The following AGGF1 variants were observed in gnomAD, a reference collection of about 807,000 sequenced individuals.
AGGF1 encodes angiogenic factor with G-patch and FHA domains 1.
Under a neutral mutation model 86.5 loss-of-function variants are expected in AGGF1, and 56 were observed. The observed-to-expected ratio is 0.65, with a 90% CI of 0.52 to 0.81. The LOEUF is 0.81. Among genes scored for constraint, AGGF1 ranks in the 30% least tolerant of loss-of-function variants. AGGF1 has a pLI of 0.00. For synonymous variants in AGGF1, 313 were observed against 297.1 expected, an observed-to-expected ratio of 1.05 and a Z score of -0.55; for missense variants, 816 against 850.9, an observed-to-expected ratio of 0.96 and a Z score of 0.51.
At chr5:77,048,422 G>A (rs1182588009) in intron 7 of AGGF1, 150 bp downstream of exon 7, 7 of 646,892 alleles carry the variant, frequency 1.1e-5, no homozygotes, top group Admixed American at 8.2e-5. Flanking sequence ...CACGATCTCG[G>A]CTCATTGCAA....
chr5:77,034,353 G>T, intron 1 of AGGF1, 65 bp from the exon 2 acceptor site: 1 of 966,384 alleles, frequency 1.0e-6, no homozygotes, highest in South Asian at 1.3e-5. Flanking sequence ...AACGGTAGGA[G>T]ACTGGTATAT....
intron 5 of AGGF1, among the ~76,000 whole-genome samples, chr5:77,044,264 C>G (rs933647733): frequency 3.3e-5 from 5 of 151,860 alleles, no homozygotes; most frequent in Non-Finnish European, 7.4e-5. Context: ...GCCGAGATCA[C>G]GCCACTGCAC....
chr5:77,060,850 A>G lies in AGGF1; in HGVS notation c.1845-853A>G, dbSNP rs146886199. 1.2e-3 allele frequency among the ~76,000 whole-genome samples: 183 copies of G among 152,328 alleles called. 1 individual carries two copies. The highest frequency in any genetic ancestry group is 6.8e-3 in the Middle Eastern group (2 of 294). On this transcript the variant is annotated intron_variant, in intron 12 of 13. Coordinates refer to ENST00000312916, the MANE Select transcript of AGGF1 (RefSeq NM_018046.5). ...CACTTTTTTTAAGTTTAATGTTTAA[A>G]ATATAATCTTGGAGAGTATAAAGAG...
At chr5:77,059,976 G>A (rs1157591083) in intron 12 of AGGF1, among the ~76,000 whole-genome samples, 1 of 152,120 alleles carries the variant, frequency 6.6e-6, no homozygotes, top group Non-Finnish European at 1.5e-5. Context: ...TGAGTAGCTG[G>A]GATTACAGAT....
intron 3 of AGGF1, 111 bp downstream of exon 3, chr5:77,035,854 A>G: frequency 1.1e-6 from 1 of 933,336 alleles, no homozygotes; most frequent in East Asian, 2.6e-5. Flanking sequence ...TATAAGGGTT[A>G]TAAACATTCT....
At position 77,048,255 on chromosome 5, in the gene AGGF1, C is replaced by A; in HGVS notation, c.1296C>A (p.Asn432Lys). The A allele has an allele frequency of 1.2e-6, 2 of 1,608,028 alleles. No homozygotes were observed. Among genetic ancestry groups the A allele is most frequent in the Non-Finnish European group, 1.7e-6 (2 of 1,174,692 alleles). The change falls in exon 7 of 14, where the codon AAC becomes AAA. Residue 432 changes from asparagine to lysine, a missense_variant. This residue lies in a region of AGGF1 where 565 missense variants were observed against 585.8 expected (regional missense o/e 0.96). Transcript: ENST00000312916. ...CACTCTTTATCATTACTGCTGTAAA[C>A]CCTGCTACAATTGGAAGGTAAAATG... ...IGSLFIITAV[N>K]PATIGREKDM...
At position 77,044,291 on chromosome 5, in the gene AGGF1, T is replaced by C. The variant is rs556447748; in HGVS notation, c.871-2056T>C. Among the ~76,000 whole-genome samples, 36 of 152,252 alleles carry C rather than the reference T, an allele frequency of 2.4e-4. 1 individual carries two copies. Among genetic ancestry groups the C allele is most frequent in the African/African-American group, 6.3e-4 (26 of 41,544 alleles). On this transcript the variant is annotated intron_variant, in intron 5 of 13. Transcript: ENST00000312916. ...CCACTGCACTCCAGCCTGGGCACCATTGAGCACTCGACAAGAACTTTTAAG... is the reference window on the plus strand; with the variant it reads ...CCACTGCACTCCAGCCTGGGCACCACTGAGCACTCGACAAGAACTTTTAAG...
chr5:77,059,862 G>C (rs1024291685), intron 12 of AGGF1, 119 bp downstream of exon 12: 29 of 1,351,328 alleles, frequency 2.1e-5, no homozygotes, highest in Non-Finnish European at 2.8e-5. Context: ...TTATTTATGA[G>C]ATGGAGTCTT....
rs538703281 is a variant in AGGF1 at position 77,053,096 on chromosome 5, G to A, written c.1467+289G>A. ...AAATGTCTCAATAGCAACTTTGAAG[G>A]TCGTCCCTTTTTTTATTGTCTTAAT... is the stretch of plus-strand genomic sequence containing the variant. On this transcript the variant is annotated intron_variant, in intron 9 of 13. Transcript: ENST00000312916. Among the ~76,000 whole-genome samples the A allele has an allele frequency of 3.3e-5, 5 of 152,264 alleles. No individual in the cohort carries two copies. In the East Asian group the frequency reaches 9.6e-4, roughly 29 times the overall value.
chr5:77,062,558 A>G (rs1216279871), intron 13 of AGGF1, among the ~76,000 whole-genome samples: 1 of 152,208 alleles, frequency 6.6e-6, no homozygotes, highest in East Asian at 1.9e-4. Context: ...AAAGCCCCTA[A>G]GCATTGTACC....
At chr5:77,042,487 G>A (rs1163386445) in intron 5 of AGGF1, among the ~76,000 whole-genome samples, 1 of 57,030 alleles carries the variant, frequency 1.8e-5, no homozygotes, top group Non-Finnish European at 4.6e-5. Flanking sequence ...GGCCGGGCGG[G>A]GGGCTGACCC....
At position 77,064,164 on chromosome 5, in the gene AGGF1, T is replaced by C. The variant is rs1477479650; in HGVS notation, c.*912T>C. The C allele has an allele frequency of 6.6e-6, 1 of 152,654 alleles. No homozygotes were observed. The highest frequency in any genetic ancestry group is 1.9e-4 in the East Asian group (1 of 5,200). 9.5% of individuals were successfully genotyped at this position (152,654 alleles called of 1,614,324 possible). A position where few individuals can be genotyped will look rare whatever the true frequency, so the allele number is the denominator to read the frequency against. ...TTGAATTTTCAAGCAGCCAGAATTT[T>C]CTAGTTTAAATTGGCAGAGTTATAA... On this transcript the variant is annotated 3_prime_UTR_variant, in exon 14 of 14. Coordinates refer to ENST00000312916, the MANE Select transcript of AGGF1 (RefSeq NM_018046.5).
chr5:77,046,177 C>A (rs529830294), intron 5 of AGGF1, among the ~76,000 whole-genome samples, 170 bp from the exon 6 acceptor site: 5 of 152,150 alleles, frequency 3.3e-5, no homozygotes, highest in Admixed American at 2.0e-4. Context: ...ATGGTAATAT[C>A]ATTAACCAAG....
At chr5:77,033,841 C>G (rs576461656) in intron 1 of AGGF1, among the ~76,000 whole-genome samples, 1 of 152,304 alleles carries the variant, frequency 6.6e-6, no homozygotes, top group East Asian at 1.9e-4. Context: ...ACTTGTTTCT[C>G]TCTGTCCTAT....
chr5:77,034,348 T>G, intron 1 of AGGF1, 70 bp from the exon 2 acceptor site: 1 of 931,450 alleles, frequency 1.1e-6, no homozygotes, highest in Non-Finnish European at 1.8e-6. Context: ...TTTGTAACGG[T>G]AGGAGACTGG....
At chr5:77,060,321 A>G (rs900387992) in intron 12 of AGGF1, among the ~76,000 whole-genome samples, 2 of 152,242 alleles carry the variant, frequency 1.3e-5, no homozygotes, top group African/African-American at 4.8e-5. Flanking sequence ...TTGAGTGTAT[A>G]TACTTTTATA....
intron 8 of AGGF1, among the ~76,000 whole-genome samples, chr5:77,051,879 G>A (rs1014787520): frequency 1.3e-5 from 2 of 152,150 alleles, no homozygotes; most frequent in Non-Finnish European, 2.9e-5. Flanking sequence ...ATGAATGAAC[G>A]ACAACTCTAT....
intron 5 of AGGF1, among the ~76,000 whole-genome samples, chr5:77,044,602 A>T (rs1043427786): frequency 1.3e-5 from 2 of 152,200 alleles, no homozygotes; most frequent in African/African-American, 4.8e-5. Flanking sequence ...GTTGTTCAGT[A>T]AGTAATAAAT....
In AGGF1 at chr5:77,032,344, A is replaced by G. The variant is rs867487600; in HGVS notation, c.210+1368A>G. Among the ~76,000 whole-genome samples the G allele has an allele frequency of 3.4e-3, 508 of 151,044 alleles. 4 individuals carry two copies. Among genetic ancestry groups the G allele is most frequent in the African/African-American group, 0.012 (480 of 41,230 alleles). ...GCACTTTGGGAGGCCGAGGCGGGCG[A>G]ATCACGAGGTCAGAAGATCGAGACC... On this transcript the variant is annotated intron_variant, in intron 1 of 13. Transcript: ENST00000312916.
Sources: allele counts gnomAD v4.1 joint callset (sites outside exome capture counted in the v4.1 genomes callset), GRCh38; gene constraint gnomAD v4.1.1; regional missense constraint gnomAD v4.1.1; transcripts MANE v1.5; gene names NCBI Gene and HGNC (gene_info 2026-07-23, HGNC 2026-07-21).